The following DOCK4 variants were observed in gnomAD, a reference collection of about 807,000 sequenced individuals.
DOCK4 encodes dedicator of cytokinesis protein 4.
A neutral mutation model predicts 268.1 loss-of-function variants in DOCK4; 97 were observed. The ratio of observed to expected loss-of-function variants is 0.36; its 90% CI spans 0.31 to 0.43. The LOEUF (loss-of-function observed/expected upper bound fraction) is 0.43, where lower values mean the gene tolerates loss of function less well. Ranked by LOEUF, DOCK4 falls within the 20% of genes least tolerant of loss-of-function variation. The probability of loss-of-function intolerance (pLI) is 1.00; values close to 1 mark genes in which losing one functional copy is unlikely to be tolerated. For missense variants in DOCK4, 2,145 were observed against 2,455.7 expected (o/e 0.87, Z 2.67); for synonymous variants, 954 against 887.2 (o/e 1.08, Z -1.34).
chr7:111,962,765 T>C (rs570818729), intron 8 of DOCK4, among the ~76,000 whole-genome samples: 66 of 152,308 alleles, frequency 4.3e-4, no homozygotes, highest in Middle Eastern at 6.8e-3. Flanking sequence ...AATGAAGTAT[T>C]TCAAGAAAAA....
chr7:111,779,580 A>G (rs1362374564), intron 35 of DOCK4, among the ~76,000 whole-genome samples: 3 of 151,976 alleles, frequency 2.0e-5, no homozygotes, highest in Non-Finnish European at 2.9e-5. Flanking sequence ...TTTAGTAGAG[A>G]TGGGGTTTTG....
Position 111,747,450 on chromosome 7 carries a change from A to C in DOCK4, c.4417-7T>G. On this transcript the variant is annotated splice_polypyrimidine_tract_variant and splice_region_variant and intron_variant, in intron 42 of 52. Coordinates refer to ENST00000428084, the MANE Select transcript of DOCK4 (RefSeq NM_001363540.2). ...CCAGAGGACTCATTTCTACCTGAGA[A>C]GCAAATGAACATAAATATATATTGA... is the stretch of plus-strand genomic sequence containing the variant. 1 of 1,581,390 alleles carries C rather than the reference A, an allele frequency of 6.3e-7. No homozygotes were observed. Among genetic ancestry groups the C allele is most frequent in the Non-Finnish European group, 8.6e-7 (1 of 1,163,952 alleles).
chr7:111,849,856 G>A (rs1804406705), intron 23 of DOCK4, among the ~76,000 whole-genome samples: 1 of 152,050 alleles, frequency 6.6e-6, no homozygotes, highest in East Asian at 1.9e-4. Context: ...AGAGCTACCT[G>A]ATATTTTCGA....
At chr7:111,972,716 T>TAAAC (rs1210587412) in intron 8 of DOCK4, among the ~76,000 whole-genome samples, 1 of 130,476 alleles carries the variant, frequency 7.7e-6, no homozygotes, top group East Asian at 2.3e-4. Context: ...TTTTTAAATA[T>TAAAC]AAACAAAATT....
At chr7:112,161,127 G>A (rs1586947643) in intron 1 of DOCK4, among the ~76,000 whole-genome samples, 1 of 152,028 alleles carries the variant, frequency 6.6e-6, no homozygotes, top group African/African-American at 2.4e-5. Flanking sequence ...TGTCTACCTG[G>A]CGACCGCTAG....
intron 52 of DOCK4, among the ~76,000 whole-genome samples, chr7:111,730,609 A>T (rs1474870812): frequency 5.3e-5 from 8 of 151,600 alleles, no homozygotes; most frequent in African/African-American, 1.9e-4. Flanking sequence ...GTAGGGTTAG[A>T]CCCACAGTTT....
chr7:111,873,026 T>C (rs1806552870), intron 17 of DOCK4, among the ~76,000 whole-genome samples: 1 of 152,192 alleles, frequency 6.6e-6, no homozygotes, highest in African/African-American at 2.4e-5. Context: ...GCACTCTGCC[T>C]AGCAACCAAC....
chr7:111,736,963 G>C lies in DOCK4; in HGVS notation c.5259C>G (p.Asp1753Glu), dbSNP rs202207944. 1 of 1,604,826 alleles carries C rather than the reference G, an allele frequency of 6.2e-7. No individual in the cohort carries two copies. The highest frequency in any genetic ancestry group is 1.3e-5 in the African/African-American group (1 of 74,952). Residue 1753 changes from aspartate to glutamate, a missense_variant, in exon 50 of 53, where the codon GAC becomes GAG. Around this residue, in one of 2 missense-constraint regions of DOCK4, gnomAD observed 547 missense variants for 469.0 expected, o/e 1.17. Transcript: ENST00000428084. ...TTGGGTCACTGCGTGGCAAGGCCCC[G>C]TCTCCAATATGATTAAACAGCATCC... ...SQRMLFNHIGDGALPRSDPNL... is the reference protein window; with the variant it reads ...SQRMLFNHIGEGALPRSDPNL...
chr7:112,097,818 G>C (rs1186506853), intron 1 of DOCK4, among the ~76,000 whole-genome samples: 2 of 152,176 alleles, frequency 1.3e-5, no homozygotes, highest in Admixed American at 1.3e-4. Flanking sequence ...GAATGTCAAA[G>C]TAAATCCCAA....
intron 13 of DOCK4, among the ~76,000 whole-genome samples, chr7:111,911,588 A>G (rs552513164): frequency 3.9e-4 from 60 of 152,270 alleles, no homozygotes; most frequent in African/African-American, 1.4e-3. Flanking sequence ...ACTTCGCATT[A>G]CAAGGTGGTA....
In DOCK4 at chr7:112,008,921, A is replaced by G. The variant is rs184121377; in HGVS notation, c.38-4790T>C. Reference sequence around the variant, plus strand: ...AGCAGGAGAATCGCTTGAACCCGGGAGGCGGAGGTTGCAGTGAGCTGAGAT... The same window carrying G: ...AGCAGGAGAATCGCTTGAACCCGGGGGGCGGAGGTTGCAGTGAGCTGAGAT... On this transcript the variant is annotated intron_variant, in intron 1 of 52. Transcript: ENST00000428084. Among the ~76,000 whole-genome samples the G allele has an allele frequency of 1.9e-3, 284 of 152,292 alleles. 4 individuals are homozygous for G. The highest frequency in any genetic ancestry group is 0.017 in the Admixed American group (257 of 15,298).
At chr7:111,766,042 G>A (rs1020933737) in intron 38 of DOCK4, among the ~76,000 whole-genome samples, 1 of 152,094 alleles carries the variant, frequency 6.6e-6, no homozygotes, top group African/African-American at 2.4e-5. Context: ...TCATCACCTC[G>A]CTTCTGTTAC....
intron 1 of DOCK4, among the ~76,000 whole-genome samples, chr7:112,127,245 T>A (rs923885202): frequency 2.6e-5 from 4 of 151,420 alleles, no homozygotes; most frequent in Admixed American, 6.6e-5. Context: ...AAATGATGAG[T>A]TCATGTCCTT....
At chr7:111,776,094 T>C (rs1798426907) in intron 36 of DOCK4, among the ~76,000 whole-genome samples, 1 of 152,234 alleles carries the variant, frequency 6.6e-6, no homozygotes, top group Non-Finnish European at 1.5e-5. Flanking sequence ...CTAAAGATTT[T>C]AACAGACTCC....
chr7:111,977,035 A>G, intron 8 of DOCK4, 97 bp downstream of exon 8: 1 of 1,380,348 alleles, frequency 7.2e-7, no homozygotes. Context: ...CTGACGGAGT[A>G]AAAAATATAC....
At chr7:111,773,418 C>G (rs190607273) in intron 36 of DOCK4, among the ~76,000 whole-genome samples, 3 of 152,000 alleles carry the variant, frequency 2.0e-5, no homozygotes, top group Admixed American at 1.3e-4. Context: ...AAAGATTAAC[C>G]CAGTTTTGAA....
intron 12 of DOCK4, among the ~76,000 whole-genome samples, chr7:111,931,000 G>A (rs1794156113): frequency 6.6e-6 from 1 of 152,204 alleles, no homozygotes; most frequent in South Asian, 2.1e-4. Context: ...GTTTGCCTCA[G>A]CTTGAGAGAG....
At chr7:111,815,208 T>C (rs1801449449) in intron 27 of DOCK4, among the ~76,000 whole-genome samples, 1 of 152,340 alleles carries the variant, frequency 6.6e-6, no homozygotes, top group African/African-American at 2.4e-5. Context: ...CCTCCAAAAA[T>C]ATGACTGCTC....
At chr7:112,151,336 A>G (rs111933480) in intron 1 of DOCK4, among the ~76,000 whole-genome samples, 17 of 152,274 alleles carry the variant, frequency 1.1e-4, no homozygotes, top group African/African-American at 4.1e-4. Context: ...TAGGATGCCA[A>G]TAAAATCATG....
Sources: gnomAD v4.1 joint callset for allele counts (sites outside exome capture counted in the v4.1 genomes callset) on GRCh38, gnomAD v4.1.1 for gene constraint, gnomAD v4.1.1 regional missense constraint, MANE v1.5 for transcripts, NCBI Gene and HGNC (gene_info 2026-07-23, HGNC 2026-07-21) for gene names.